Variants in EIF3K observed in about 807,000 individuals in gnomAD.
EIF3K encodes the protein eIF-3 p28.
In EIF3K, 27 loss-of-function variants were observed where a neutral mutation model predicts 34.2. The ratio of observed to expected loss-of-function variants is 0.79; its 90% confidence interval spans 0.58 to 1.09. The LOEUF (loss-of-function observed/expected upper bound fraction) is 1.09. Among genes scored for constraint, EIF3K ranks in the 50% least tolerant of loss-of-function variants. EIF3K has a pLI of 0.00. For synonymous variants in EIF3K, 105 were observed against 105.7 expected, an observed-to-expected ratio of 0.99 and a Z score of 0.04; for missense variants, 232 against 275.4, an observed-to-expected ratio of 0.84 and a Z score of 1.11.
chr19:38,620,406 T>G lies in EIF3K; in HGVS notation c.129T>G (p.Asp43Glu). 6.2e-7 allele frequency: 1 copy of G among 1,613,914 alleles called. No homozygotes were observed. The stretch of plus-strand genomic sequence containing the variant: ...CGCAGGCCAAGGAAAATGCCTATGA[T>G]CTGGAAGCCAACCTGGCTGTCCTGA... ...VETQAKENAYDLEANLAVLKL... is the reference protein window; with the variant it reads ...VETQAKENAYELEANLAVLKL... The change falls in exon 2 of 8, where the codon GAT becomes GAG. Residue 43 changes from aspartate (D) to glutamate (E), a missense_variant. Transcript: ENST00000248342.
At position 38,634,880 on chromosome 19, in the gene EIF3K, G is replaced by C. The variant is rs1042356545; in HGVS notation, c.500-113G>C. The C allele has an allele frequency of 8.1e-6, 12 of 1,479,194 alleles. No homozygotes were observed. The African/African-American group carries it at 1.7e-4, about 20-fold the overall frequency. 91.6% of individuals were successfully genotyped at this position (1,479,194 alleles called of 1,614,324 possible). On this transcript the variant is annotated intron_variant, in intron 6 of 7. Transcript: ENST00000248342. Reference sequence around the variant, plus strand: ...AGCTGCTGCTGTCCAGGAGATGTCAGTGGGCAAGGGGGGCTGCCCTGGCTT... The same window carrying C: ...AGCTGCTGCTGTCCAGGAGATGTCACTGGGCAAGGGGGGCTGCCCTGGCTT...
chr19:38,621,760 T>G (rs1209073425), intron 2 of EIF3K, among the ~76,000 whole-genome samples: 2 of 152,228 alleles, frequency 1.3e-5, no homozygotes, highest in East Asian at 3.8e-4. Flanking sequence ...GTGAGATCCA[T>G]CCAGTGTTTT....
At chr19:38,632,231 T>A in intron 4 of EIF3K, 199 bp from the exon 5 acceptor site, 1 of 562,004 alleles carries the variant, frequency 1.8e-6, no homozygotes, top group Admixed American at 3.1e-5. Flanking sequence ...GCCTGGGCAA[T>A]ATAGTGAGAC....
In EIF3K at chr19:38,626,357, C is replaced by G. The variant is rs1391266503; in HGVS notation, c.354+255C>G. 8.8e-6 allele frequency: 4 copies of G among 456,936 alleles called. No individual in the cohort carries two copies. In the South Asian group the frequency reaches 1.1e-4, roughly 12 times the overall value. The allele number at this position is 456,936 out of a possible 1,614,324, so 28.3% of individuals were successfully genotyped here. On this transcript the variant is annotated intron_variant, in intron 4 of 7. Coordinates refer to ENST00000248342, the MANE Select transcript of EIF3K (RefSeq NM_013234.4). ...GAGCCCTCTAGTACACACCGTTGAT[C>G]AGAAGTCCTCCAGTGGCTGGGTGTA...
In EIF3K at chr19:38,626,187, T is replaced by C. The variant is rs1424836743; in HGVS notation, c.354+85T>C. The C allele has an allele frequency of 6.2e-6, 8 of 1,291,326 alleles. No individual in the cohort carries two copies. In the East Asian group the frequency reaches 1.2e-4, roughly 19 times the overall value. 80.0% of individuals were successfully genotyped at this position (1,291,326 alleles called of 1,614,324 possible). On this transcript the variant is annotated intron_variant, in intron 4 of 7. Transcript: ENST00000248342. Reference sequence around the variant, plus strand: ...AAAAGTAACAACGGTGCACACTGACTGGCTTCCTGCTTTGGCGGTGGGCCC... The same window carrying C: ...AAAAGTAACAACGGTGCACACTGACCGGCTTCCTGCTTTGGCGGTGGGCCC...
In EIF3K at chr19:38,619,338, G is replaced by A. The variant is rs370051027; in HGVS notation, c.59+11G>A. 3 of 1,613,418 alleles carry A rather than the reference G, an allele frequency of 1.9e-6. No individual in the cohort carries two copies. The African/African-American group carries it at 4.0e-5, about 22-fold the overall frequency. ...CAAGGGTATCGACAGGTCTGAGCCC[G>A]GTTGGAGGAAGCGCTCTGGCCAAGC... On this transcript the variant is annotated intron_variant, in intron 1 of 7. Coordinates refer to ENST00000248342, the MANE Select transcript of EIF3K (RefSeq NM_013234.4).
At chr19:38,620,821 G>T (rs947864762) in intron 2 of EIF3K, among the ~76,000 whole-genome samples, 14 of 152,074 alleles carry the variant, frequency 9.2e-5, no homozygotes, top group Non-Finnish European at 1.6e-4. Flanking sequence ...TTGAACCCAG[G>T]AGGCGGAGAT....
intron 2 of EIF3K, 103 bp downstream of exon 2, chr19:38,620,538 G>T (rs1036446638): frequency 5.2e-6 from 5 of 967,256 alleles, no homozygotes; most frequent in Non-Finnish European, 8.0e-6. Flanking sequence ...GAACAATGCA[G>T]CATCTCTTGG....
intron 4 of EIF3K, chr19:38,626,437 T>G: frequency 3.6e-6 from 1 of 279,226 alleles, no homozygotes. Flanking sequence ...GAGGATTGCT[T>G]GAGGCCAGGA....
Position 38,635,047 on chromosome 19 carries a change from G to A in EIF3K, c.554G>A (p.Gly185Glu). The change falls in exon 7 of 8, where the codon GGG becomes GAG. Residue 185 changes from glycine to glutamate, a missense_variant. Transcript: ENST00000248342. ...TACGGCTGGAGTGCCGACGAGTCGG[G>A]GCAGATCTTCATCTGTAGCCAAGAA... is the stretch of plus-strand genomic sequence containing the variant. ...SKYGWSADES[G>E]QIFICSQEES... 1.2e-6 allele frequency: 2 copies of A among 1,614,136 alleles called. No homozygotes were observed. Among genetic ancestry groups the A allele is most frequent in the Non-Finnish European group, 1.7e-6 (2 of 1,180,008 alleles).
At chr19:38,630,343 AT>A (rs200889380) in intron 4 of EIF3K, among the ~76,000 whole-genome samples, 16 of 131,694 alleles carry the variant, frequency 1.2e-4, no homozygotes, top group Admixed American at 6.9e-4. Flanking sequence ...TTATTTATTT[AT>A]TTATTTTTTT....
chr19:38,626,860 A>G (rs1382752601), intron 4 of EIF3K, among the ~76,000 whole-genome samples: 2 of 152,258 alleles, frequency 1.3e-5, no homozygotes, highest in East Asian at 3.9e-4. Flanking sequence ...AGGCTGTAGT[A>G]CAGTGGCACG....
chr19:38,632,533 A>C, intron 5 of EIF3K, 37 bp downstream of exon 5: 1 of 1,613,568 alleles, frequency 6.2e-7, no homozygotes, highest in South Asian at 1.1e-5. Context: ...CCCAAGGGGA[A>C]GGGGTAGGGA....
chr19:38,623,823 T>C (rs1396584730), intron 2 of EIF3K, among the ~76,000 whole-genome samples: 1 of 152,174 alleles, frequency 6.6e-6, no homozygotes, highest in Non-Finnish European at 1.5e-5. Context: ...ACTGCTGCTG[T>C]TCTCATTTGT....
intron 4 of EIF3K, among the ~76,000 whole-genome samples, chr19:38,626,502 T>G (rs1379294064): frequency 6.6e-6 from 1 of 151,984 alleles, no homozygotes; most frequent in Non-Finnish European, 1.5e-5. Flanking sequence ...AAATTGAAAA[T>G]TAATTGGGTG....
chr19:38,621,677 G>C (rs1223039079), intron 2 of EIF3K, among the ~76,000 whole-genome samples: 8 of 152,156 alleles, frequency 5.3e-5, no homozygotes, highest in Admixed American at 2.6e-4. Flanking sequence ...TCCCTGCTTT[G>C]AACTTGATAC....
At chr19:38,621,683 G>C (rs1975843590) in intron 2 of EIF3K, among the ~76,000 whole-genome samples, 2 of 152,292 alleles carry the variant, frequency 1.3e-5, no homozygotes, top group Middle Eastern at 6.8e-3. Flanking sequence ...CTTTGAACTT[G>C]ATACAGATGG....
rs748705614 is a variant in EIF3K at position 38,624,083 on chromosome 19, G to C, written c.165G>C (p.Gln55His). ...EANLAVLKLY[Q>H]FNPAFFQTTV... is the part of the protein sequence containing the mutation. ...CTCTTGTTCTTTTTCTTAGGTACCA[G>C]TTCAACCCAGCCTTCTTTCAGACCA... The change falls in exon 3 of 8, where the codon CAG becomes CAC. Residue 55 changes from glutamine (Q) to histidine (H), a missense_variant. Coordinates refer to ENST00000248342, the MANE Select transcript of EIF3K (RefSeq NM_013234.4). 4 of 1,614,128 alleles carry C rather than the reference G, an allele frequency of 2.5e-6. No homozygotes were observed. Among genetic ancestry groups the C allele is most frequent in the Non-Finnish European group, 3.4e-6 (4 of 1,179,998 alleles).
intron 7 of EIF3K, chr19:38,635,390 G>C (rs1339199254): frequency 3.9e-6 from 2 of 513,178 alleles, no homozygotes; most frequent in Admixed American, 6.5e-5. Flanking sequence ...CTCACAGGGG[G>C]TCTCTGCACC....
Sources: gnomAD v4.1 joint callset for allele counts (sites outside exome capture counted in the v4.1 genomes callset) on GRCh38, gnomAD v4.1.1 for gene constraint, MANE v1.5 for transcripts, NCBI Gene and HGNC (gene_info 2026-07-23, HGNC 2026-07-21) for gene names.